Variants in NR2C2 observed in about 807,000 individuals in gnomAD.
NR2C2 encodes nuclear receptor subfamily 2 group C member 2.
In NR2C2, 6 loss-of-function variants were observed where a neutral mutation model predicts 62.9. The observed-to-expected ratio is 0.10, with a 90% CI of 0.05 to 0.19. The LOEUF (loss-of-function observed/expected upper bound fraction) is 0.19, where lower values mean the gene tolerates loss of function less well. NR2C2 is among the 10% of genes least tolerant of loss of function. The pLI, the probability that NR2C2 is intolerant of heterozygous loss-of-function variation, is 1.00. For missense variants in NR2C2, 479 were observed against 762.7 expected, an observed-to-expected ratio of 0.63 and a Z score of 4.38; for synonymous variants, 272 against 273.8, an observed-to-expected ratio of 0.99 and a Z score of 0.07.
At position 15,048,842 on chromosome 3, in the gene NR2C2, G is replaced by A. The variant is rs1376841639; in HGVS notation, c.*5834G>A. The A allele has an allele frequency of 2.6e-5, 4 of 152,610 alleles. No homozygotes were observed. The highest frequency in any genetic ancestry group is 4.4e-5 in the Non-Finnish European group (3 of 68,030). 9.5% of individuals were successfully genotyped at this position (152,610 alleles called of 1,614,324 possible). On this transcript the variant is annotated 3_prime_UTR_variant, in exon 14 of 14. Transcript: ENST00000425241. ...TGGACTTCTCTGTTAGAATGTAACT[G>A]CATTACCAGCCCTTTTAAAGGCATC...
intron 1 of NR2C2, among the ~76,000 whole-genome samples, chr3:15,002,572 A>G (rs1371094691): frequency 1.4e-5 from 2 of 139,402 alleles, no homozygotes. Flanking sequence ...ATCAGGTAAT[A>G]TTGGCCTCAC....
intron 1 of NR2C2, chr3:14,948,415 C>T (rs1222408351): frequency 6.6e-6 from 1 of 152,272 alleles, no homozygotes; most frequent in African/African-American, 2.4e-5. Context: ...GGCGCGACCT[C>T]GTGAGCGACG....
At chr3:14,968,462 A>G (rs1267474501) in intron 1 of NR2C2, among the ~76,000 whole-genome samples, 6 of 149,648 alleles carry the variant, frequency 4.0e-5, no homozygotes, top group Non-Finnish European at 7.5e-5. Flanking sequence ...TTAGAATGGC[A>G]ATCATTAAAA....
intron 4 of NR2C2, among the ~76,000 whole-genome samples, chr3:15,019,036 AAAAGATTTTATTTTT>A (rs1162637105): frequency 6.7e-6 from 1 of 148,618 alleles, no homozygotes; most frequent in East Asian, 2.0e-4. Context: ...AAAAAAAAAA[AAAAGATTTTATTTTT>A]ATAAAATCTT....
At chr3:15,025,326 G>A (rs1350630856) in intron 7 of NR2C2, among the ~76,000 whole-genome samples, 1 of 152,236 alleles carries the variant, frequency 6.6e-6, no homozygotes, top group Admixed American at 6.5e-5. Context: ...GTCTGACAGT[G>A]CTCTTCGTAG....
chr3:15,013,856 A>C, intron 3 of NR2C2, 67 bp downstream of exon 3: 1 of 1,542,180 alleles, frequency 6.5e-7, no homozygotes, highest in Non-Finnish European at 8.9e-7. Context: ...ACTTGTTCTT[A>C]CATCTGCCTT....
intron 1 of NR2C2, among the ~76,000 whole-genome samples, chr3:14,983,396 A>G (rs1289968945): frequency 6.6e-6 from 1 of 151,684 alleles, no homozygotes; most frequent in Non-Finnish European, 1.5e-5. Context: ...ACTTTGTAAT[A>G]TTAAACCCAT....
chr3:15,018,908 G>A (rs2041589407), intron 4 of NR2C2, among the ~76,000 whole-genome samples: 1 of 151,140 alleles, frequency 6.6e-6, no homozygotes, highest in Non-Finnish European at 1.5e-5. Context: ...CCAGCTACTT[G>A]GGAGGCTCAG....
At chr3:15,040,149 G>C (rs1224515677) in intron 13 of NR2C2, among the ~76,000 whole-genome samples, 1 of 150,168 alleles carries the variant, frequency 6.7e-6, no homozygotes, top group Non-Finnish European at 1.5e-5. Context: ...GACAGAGTGA[G>C]ACTCCTTCTC....
chr3:14,988,013 A>T (rs1162950468), intron 1 of NR2C2, among the ~76,000 whole-genome samples: 1 of 152,226 alleles, frequency 6.6e-6, no homozygotes, highest in Non-Finnish European at 1.5e-5. Context: ...GGACATATAA[A>T]TTGCTTTTGA....
chr3:14,985,604 A>G (rs904217358), intron 1 of NR2C2, among the ~76,000 whole-genome samples: 6 of 152,168 alleles, frequency 3.9e-5, no homozygotes, highest in South Asian at 2.1e-4. Flanking sequence ...TTTAAACTAA[A>G]TGGAATCACA....
intron 1 of NR2C2, among the ~76,000 whole-genome samples, chr3:14,969,607 A>G (rs1424092907): frequency 2.0e-5 from 3 of 152,222 alleles, no homozygotes; most frequent in African/African-American, 7.2e-5. Context: ...TTGCTGAAGT[A>G]TTTTGAGTGC....
At chr3:15,008,251 A>C (rs112051462) in intron 2 of NR2C2, among the ~76,000 whole-genome samples, 3 of 150,906 alleles carry the variant, frequency 2.0e-5, no homozygotes, top group African/African-American at 7.3e-5. Flanking sequence ...GGCTGAGTGC[A>C]GTGGCTCACA....
chr3:14,972,708 C>T (rs1057286402), intron 1 of NR2C2, among the ~76,000 whole-genome samples: 4 of 152,134 alleles, frequency 2.6e-5, no homozygotes, highest in East Asian at 3.8e-4. Context: ...AATTGGCTCA[C>T]GGTTCCACAG....
intron 1 of NR2C2, among the ~76,000 whole-genome samples, chr3:14,969,977 C>T (rs1228425688): frequency 6.6e-6 from 1 of 152,162 alleles, no homozygotes; most frequent in Non-Finnish European, 1.5e-5. Flanking sequence ...TGCTGGAATG[C>T]CTAACTCACT....
At chr3:14,960,207 G>A (rs557450519) in intron 1 of NR2C2, among the ~76,000 whole-genome samples, 72 of 152,314 alleles carry the variant, frequency 4.7e-4, no homozygotes, top group Admixed American at 4.7e-3. Flanking sequence ...TTAAATTTAA[G>A]GACTTCTGTT....
intron 1 of NR2C2, among the ~76,000 whole-genome samples, chr3:14,980,330 A>T (rs1298196009): frequency 1.3e-5 from 2 of 151,892 alleles, no homozygotes; most frequent in Non-Finnish European, 2.9e-5. Flanking sequence ...AAAAAAAAAA[A>T]AAATGTTTTT....
At chr3:14,969,894 AGTT>A (rs2039986077) in intron 1 of NR2C2, among the ~76,000 whole-genome samples, 1 of 152,210 alleles carries the variant, frequency 6.6e-6, no homozygotes, top group African/African-American at 2.4e-5. Flanking sequence ...GAGCTCTCCC[AGTT>A]GTTGAACAAA....
intron 5 of NR2C2, 149 bp downstream of exon 5, chr3:15,021,081 C>T (rs888406533): frequency 1.3e-6 from 1 of 754,004 alleles, no homozygotes; most frequent in Non-Finnish European, 2.1e-6. Context: ...CATGGGTCAG[C>T]CAGGTGATTG....
Sources: allele counts gnomAD v4.1 joint callset (sites outside exome capture counted in the v4.1 genomes callset), GRCh38; gene constraint gnomAD v4.1.1; transcripts MANE v1.5; gene names NCBI Gene and HGNC (gene_info 2026-07-23, HGNC 2026-07-21).